Variants in SCAPER observed in about 807,000 individuals in gnomAD.
The protein encoded by SCAPER is S phase cyclin A-associated protein in the endoplasmic reticulum.
Under a neutral mutation model 182.2 loss-of-function variants are expected in SCAPER, and 98 were observed. That is an observed-to-expected ratio of 0.54 (90% confidence interval 0.46 to 0.64). The LOEUF (loss-of-function observed/expected upper bound fraction) is 0.64. SCAPER is among the 30% of genes least tolerant of loss of function. The pLI, the probability that SCAPER is intolerant of heterozygous loss-of-function variation, is 0.00. For missense variants in SCAPER, 1,432 were observed against 1,690.0 expected (o/e 0.85, Z 2.68); for synonymous variants, 605 against 564.6 (o/e 1.07, Z -1.01).
intron 1 of SCAPER, among the ~76,000 whole-genome samples, chr15:76,893,719 T>C (rs2074280018): frequency 6.6e-6 from 1 of 152,326 alleles, no homozygotes; most frequent in East Asian, 1.9e-4. Flanking sequence ...ATATCAAGTA[T>C]CTTTTCTGAC....
chr15:76,852,774 A>G (rs1173773422), intron 4 of SCAPER, among the ~76,000 whole-genome samples: 1 of 152,212 alleles, frequency 6.6e-6, no homozygotes, highest in East Asian at 1.9e-4. Context: ...CATCACAACT[A>G]AGAGAATTAC....
intron 8 of SCAPER, among the ~76,000 whole-genome samples, chr15:76,782,418 A>G (rs906792007): frequency 2.6e-5 from 4 of 152,220 alleles, no homozygotes; most frequent in African/African-American, 9.6e-5. Context: ...TTAGACTCCC[A>G]CACAATAATA....
chr15:76,531,847 T>C (rs2043698692), intron 23 of SCAPER, among the ~76,000 whole-genome samples: 1 of 152,114 alleles, frequency 6.6e-6, no homozygotes, highest in South Asian at 2.1e-4. Flanking sequence ...TATGACTGGG[T>C]TGTGTCCACA....
At chr15:76,465,557 G>A (rs190726775) in intron 25 of SCAPER, among the ~76,000 whole-genome samples, 11 of 152,146 alleles carry the variant, frequency 7.2e-5, no homozygotes, top group East Asian at 1.9e-4. Flanking sequence ...ACTCTGATGC[G>A]GAAGCTTTTT....
chr15:76,819,872 C>A (rs987986378), intron 5 of SCAPER, among the ~76,000 whole-genome samples: 1 of 152,238 alleles, frequency 6.6e-6, no homozygotes, highest in African/African-American at 2.4e-5. Flanking sequence ...CCAGAATCTA[C>A]AATGAACCCA....
At chr15:76,819,055 G>A (rs997696332) in intron 5 of SCAPER, among the ~76,000 whole-genome samples, 1 of 152,226 alleles carries the variant, frequency 6.6e-6, no homozygotes, top group African/African-American at 2.4e-5. Context: ...ACCCACCATT[G>A]CCAAGACTTG....
chr15:76,798,232 C>T (rs899447108), intron 7 of SCAPER, among the ~76,000 whole-genome samples: 2 of 151,822 alleles, frequency 1.3e-5, no homozygotes, highest in Admixed American at 6.6e-5. Context: ...TGGTGGCATG[C>T]GCCTATAATT....
At chr15:76,845,949 A>C (rs570355368) in intron 4 of SCAPER, among the ~76,000 whole-genome samples, 1 of 152,090 alleles carries the variant, frequency 6.6e-6, no homozygotes, top group Non-Finnish European at 1.5e-5. Flanking sequence ...AGTTATACTA[A>C]AGAACTATAG....
At chr15:76,441,679 G>T (rs938166286) in intron 25 of SCAPER, among the ~76,000 whole-genome samples, 4 of 152,062 alleles carry the variant, frequency 2.6e-5, no homozygotes, top group Non-Finnish European at 4.4e-5. Context: ...CTATTCAAAT[G>T]TCATCTTATC....
chr15:76,823,182 G>A (rs964293492), intron 5 of SCAPER, among the ~76,000 whole-genome samples: 3 of 152,134 alleles, frequency 2.0e-5, no homozygotes, highest in Admixed American at 1.3e-4. Context: ...CTTTGGGCTG[G>A]GCGCTGTGGC....
At chr15:76,713,370 GA>G (rs1410745209) in intron 17 of SCAPER, among the ~76,000 whole-genome samples, 1 of 151,784 alleles carries the variant, frequency 6.6e-6, no homozygotes, top group Non-Finnish European at 1.5e-5. Context: ...CAAAGACTTG[GA>G]ACCAACCCAA....
chr15:76,434,475 C>T (rs1272596497), intron 25 of SCAPER, among the ~76,000 whole-genome samples, 165 bp from the exon 26 acceptor site: 5 of 152,184 alleles, frequency 3.3e-5, no homozygotes, highest in Non-Finnish European at 7.4e-5. Flanking sequence ...GCTTTACCCT[C>T]AGTACCTGAT....
intron 17 of SCAPER, among the ~76,000 whole-genome samples, chr15:76,714,067 A>T (rs2150903513): frequency 6.6e-6 from 1 of 152,274 alleles, no homozygotes; most frequent in East Asian, 1.9e-4. Flanking sequence ...TTAAAAGAGC[A>T]AGCCACAGAT....
At chr15:76,467,751 TCTTC>T (rs1260901853) in intron 25 of SCAPER, among the ~76,000 whole-genome samples, 1 of 152,196 alleles carries the variant, frequency 6.6e-6, no homozygotes. Flanking sequence ...ATATGCAATT[TCTTC>T]CTTCCTTAAC....
rs1225009824 is a variant in SCAPER, at chr15:76,440,907, G to GTTTTTTTTT, written c.3079-6606_3079-6598dup. Among the ~76,000 whole-genome samples, 22 of 82,850 alleles carry GTTTTTTTTT rather than the reference G, an allele frequency of 2.7e-4. 7 individuals are homozygous for GTTTTTTTTT. The highest frequency in any genetic ancestry group is 9.1e-4 in the South Asian group (2 of 2,190). The allele number at this position is 82,850 out of a possible 152,430, so 54.4% of individuals were successfully genotyped here. ...ATCTTTTAAAATTATTCCCCTTCTG[G>GTTTTTTTTT]TTTTTTTTTTGTTTTTTTTTTTTTT... On this transcript the variant is annotated intron_variant, in intron 25 of 31. Coordinates refer to ENST00000563290, the MANE Select transcript of SCAPER (RefSeq NM_020843.4).
chr15:76,678,677 G>A, intron 20 of SCAPER, among the ~76,000 whole-genome samples: 1 of 151,004 alleles, frequency 6.6e-6, no homozygotes. Flanking sequence ...GAAAGAAGAA[G>A]AAGGAAAATT....
Position 76,795,276 on chromosome 15 carries a change from T to C in SCAPER, c.772+4A>G, listed in dbSNP as rs1450143999. The C allele has an allele frequency of 6.2e-7, 1 of 1,606,890 alleles. No homozygotes were observed. Among genetic ancestry groups the C allele is most frequent in the Non-Finnish European group, 8.5e-7 (1 of 1,176,086 alleles). ...CACAAAATGGCTAATTCGAAGTCAC[T>C]TGCCATTTTTGCGTGAGGCCTTCTG... On this transcript the variant is annotated splice_donor_region_variant and intron_variant, in intron 8 of 31. Coordinates refer to ENST00000563290, the MANE Select transcript of SCAPER (RefSeq NM_020843.4).
At chr15:76,868,239 TAA>T (rs1418712489) in intron 2 of SCAPER, among the ~76,000 whole-genome samples, 3 of 152,072 alleles carry the variant, frequency 2.0e-5, no homozygotes, top group Admixed American at 1.3e-4. Flanking sequence ...TAGAAAAAGA[TAA>T]AGACAGCCAG....
At chr15:76,884,884 A>G (rs1353619492) in intron 1 of SCAPER, among the ~76,000 whole-genome samples, 1 of 152,234 alleles carries the variant, frequency 6.6e-6, no homozygotes, top group African/African-American at 2.4e-5. Flanking sequence ...TATGGATGAA[A>G]TTTAAAAACA....
Sources: allele counts gnomAD v4.1 joint callset (sites outside exome capture counted in the v4.1 genomes callset), GRCh38; gene constraint gnomAD v4.1.1; transcripts MANE v1.5; gene names NCBI Gene and HGNC (gene_info 2026-07-23, HGNC 2026-07-21).